Variants in MECOM observed in about 807,000 individuals in gnomAD.
MECOM encodes histone-lysine N-methyltransferase MECOM.
MECOM carries 13 observed loss-of-function variants against 116.3 expected under a neutral mutation model. The observed-to-expected ratio is 0.11, with a 90% CI of 0.07 to 0.18. MECOM has a LOEUF of 0.18. Among genes scored for constraint, MECOM ranks in the 10% least tolerant of loss-of-function variants. MECOM has a pLI of 1.00. For missense variants in MECOM, 1,299 were observed against 1,509.0 expected (o/e 0.86, Z 2.31); for synonymous variants, 528 against 535.2 (o/e 0.99, Z 0.19).
intron 2 of MECOM, among the ~76,000 whole-genome samples, chr3:169,235,137 ACT>A (rs1293737483): frequency 2.0e-5 from 3 of 152,028 alleles, no homozygotes; most frequent in Non-Finnish European, 4.4e-5. Context: ...TAGAGACTAA[ACT>A]CTTATTGACT....
intron 1 of MECOM, among the ~76,000 whole-genome samples, chr3:169,652,410 T>C (rs1339451348): frequency 2.6e-5 from 4 of 152,194 alleles, no homozygotes; most frequent in Non-Finnish European, 5.9e-5. Flanking sequence ...TACCCTCACT[T>C]AGAGGAGTTC....
chr3:169,334,007 C>A (rs970407389), intron 2 of MECOM, among the ~76,000 whole-genome samples: 1 of 151,538 alleles, frequency 6.6e-6, no homozygotes, highest in Non-Finnish European at 1.5e-5. Context: ...CTAGACCTTC[C>A]TTCTGAGTGT....
chr3:169,348,327 A>G (rs1460816548), intron 2 of MECOM, among the ~76,000 whole-genome samples: 1 of 152,062 alleles, frequency 6.6e-6, no homozygotes, highest in African/African-American at 2.4e-5. Context: ...TTACTACTTT[A>G]TAGTCACACC....
chr3:169,084,879 T>C lies in MECOM; in HGVS notation c.*30A>G. 6.2e-7 allele frequency: 1 copy of C among 1,613,674 alleles called. No homozygotes were observed. Among genetic ancestry groups the C allele is most frequent in the South Asian group, 1.1e-5 (1 of 90,998 alleles). ...TGAAAGAGCCATGCTACTGTTGGAC[T>C]TGGTCCCACTCTGGTCAACCTTGAT... On this transcript the variant is annotated 3_prime_UTR_variant, in exon 17 of 17. Coordinates refer to ENST00000651503, the MANE Select transcript of MECOM (RefSeq NM_004991.4).
At chr3:169,527,469 C>T (rs1469201083) in intron 1 of MECOM, among the ~76,000 whole-genome samples, 3 of 152,160 alleles carry the variant, frequency 2.0e-5, no homozygotes, top group Non-Finnish European at 4.4e-5. Context: ...TTAAGCCCCA[C>T]GCAGTTTCAG....
chr3:169,261,729 GAGA>G (rs1484642762), intron 2 of MECOM, among the ~76,000 whole-genome samples: 5 of 118,364 alleles, frequency 4.2e-5, no homozygotes, highest in African/African-American at 1.8e-4. Flanking sequence ...GAAGGAGAAG[GAGA>G]AGGAGAAGGA....
chr3:169,600,508 C>A (rs1577061492), intron 1 of MECOM, among the ~76,000 whole-genome samples: 2 of 152,130 alleles, frequency 1.3e-5, no homozygotes, highest in East Asian at 3.8e-4. Flanking sequence ...ATTTAGATGT[C>A]CAAAAACAAG....
chr3:169,614,944 C>T (rs1769805246), intron 1 of MECOM: 1 of 152,254 alleles, frequency 6.6e-6, no homozygotes, highest in Non-Finnish European at 1.5e-5. Context: ...TTCTCCTCCA[C>T]CAAGTTCAGC....
chr3:169,275,604 C>G (rs550256626), intron 2 of MECOM, among the ~76,000 whole-genome samples: 1 of 152,184 alleles, frequency 6.6e-6, no homozygotes, highest in Non-Finnish European at 1.5e-5. Flanking sequence ...TAATTTCACT[C>G]TCTTCTTTTT....
chr3:169,124,318 A>G (rs368798975), intron 5 of MECOM, among the ~76,000 whole-genome samples: 1 of 152,086 alleles, frequency 6.6e-6, no homozygotes, highest in East Asian at 1.9e-4. Context: ...ATAATTTTCT[A>G]TAAATAAATT....
chr3:169,329,699 C>T (rs1560139111), intron 2 of MECOM, among the ~76,000 whole-genome samples: 1 of 152,180 alleles, frequency 6.6e-6, no homozygotes, highest in Non-Finnish European at 1.5e-5. Flanking sequence ...AGAGGAGTTC[C>T]ATTGCAATAT....
intron 3 of MECOM, among the ~76,000 whole-genome samples, chr3:169,134,160 A>G (rs1735665309): frequency 6.6e-6 from 1 of 152,204 alleles, no homozygotes. Context: ...ACTATTAATC[A>G]TGTCTCTTTT....
chr3:169,382,879 A>AAAAAAAAAAAAAAAGAAG lies in MECOM; in HGVS notation c.38-1356_38-1355insCTTCTTTTTTTTTTTTTT, dbSNP rs1358767356. On this transcript the variant is annotated intron_variant, in intron 1 of 16. Transcript: ENST00000651503. ...AAAAAAAAAAATAAAAAAAATAAAA[A>AAAAAAAAAAAAAAAGAAG]AAGAAGGTAAAATGGGTTGCCTCCA... Among the ~76,000 whole-genome samples, 171 of 138,426 alleles carry AAAAAAAAAAAAAAAGAAG rather than the reference A, an allele frequency of 1.2e-3. 6 individuals carry two copies. Among genetic ancestry groups the AAAAAAAAAAAAAAAGAAG allele is most frequent in the South Asian group, 1.7e-3 (7 of 4,162 alleles). 90.8% of individuals were successfully genotyped at this position (138,426 alleles called of 152,430 possible).
At chr3:169,525,671 T>G (rs1315935312) in intron 1 of MECOM, among the ~76,000 whole-genome samples, 1 of 152,226 alleles carries the variant, frequency 6.6e-6, no homozygotes, top group Non-Finnish European at 1.5e-5. Context: ...AAATTGATCT[T>G]ACTGTATTAC....
chr3:169,165,509 A>T (rs1044297315), intron 2 of MECOM, among the ~76,000 whole-genome samples: 1 of 152,186 alleles, frequency 6.6e-6, no homozygotes, highest in African/African-American at 2.4e-5. Flanking sequence ...AATACAAGAG[A>T]TCTAAAGATC....
At chr3:169,520,290 A>G (rs1404210159) in intron 1 of MECOM, among the ~76,000 whole-genome samples, 1 of 152,170 alleles carries the variant, frequency 6.6e-6, no homozygotes, top group Non-Finnish European at 1.5e-5. Context: ...TCATAAGTAA[A>G]TTTGAATTGG....
chr3:169,331,334 T>C (rs975221337), intron 2 of MECOM, among the ~76,000 whole-genome samples: 7 of 152,142 alleles, frequency 4.6e-5, no homozygotes, highest in African/African-American at 1.7e-4. Context: ...AACCTAGTTT[T>C]TTCTCACCTA....
Position 169,096,942 on chromosome 3 carries a change from G to T in MECOM, c.2850-1697C>A, listed in dbSNP as rs528278982. On this transcript the variant is annotated intron_variant, in intron 12 of 16. Coordinates refer to ENST00000651503, the MANE Select transcript of MECOM (RefSeq NM_004991.4). ...AAATTGTGTGAAACCCCACATTATG[G>T]TAGTTGTAATATTTTAGCCCCAGTT... 3.5e-5 allele frequency among the ~76,000 whole-genome samples: 5 copies of T among 142,562 alleles called. No homozygotes were observed. In the Admixed American group the frequency reaches 3.7e-4, roughly 10 times the overall value. 93.5% of individuals were successfully genotyped at this position (142,562 alleles called of 152,430 possible). A position where few individuals can be genotyped will look rare whatever the true frequency, so the allele number is the denominator to read the frequency against.
chr3:169,433,957 A>G (rs963624756), intron 1 of MECOM, among the ~76,000 whole-genome samples: 1 of 151,904 alleles, frequency 6.6e-6, no homozygotes, highest in African/African-American at 2.4e-5. Flanking sequence ...TTCATCTGGG[A>G]AAAAAAAGGG....
Sources: allele counts gnomAD v4.1 joint callset (sites outside exome capture counted in the v4.1 genomes callset), GRCh38; gene constraint gnomAD v4.1.1; transcripts MANE v1.5; gene names NCBI Gene and HGNC (gene_info 2026-07-23, HGNC 2026-07-21).